The following MELTF variants were observed in gnomAD, a reference collection of about 807,000 sequenced individuals.
MELTF encodes antigen p97 (melanoma associated) identified by monoclonal antibodies 133.2 and 96.5.
MELTF carries 67 observed loss-of-function variants against 83.7 expected under a neutral mutation model. The observed-to-expected ratio is 0.80, with a 90% CI of 0.66 to 0.98. The LOEUF (loss-of-function observed/expected upper bound fraction) is 0.98, where lower values mean the gene tolerates loss of function less well. MELTF is among the 50% of genes least tolerant of loss of function. MELTF has a pLI of 0.00. For synonymous variants in MELTF, 462 were observed against 447.6 expected (o/e 1.03, Z -0.41); for missense variants, 1,002 against 1,035.6 (o/e 0.97, Z 0.44).
chr3:197,003,238 G>T lies in MELTF; in HGVS notation c.*134C>A. On this transcript the variant is annotated 3_prime_UTR_variant, in exon 16 of 16. Transcript: ENST00000296350. This position sits in a 1 kb window ranked among gnomAD's most constrained non-coding sequence, Gnocchi z 6.2. The stretch of plus-strand genomic sequence containing the variant: ...GCGCCAGGTGGCGCCCGTGGGCGGC[G>T]GGGCTCCCGGGGAGGCGCCTGCTCC... 1.0e-6 allele frequency: 1 copy of T among 969,138 alleles called. No individual in the cohort carries two copies. Among genetic ancestry groups the T allele is most frequent in the Non-Finnish European group, 1.2e-6 (1 of 808,088 alleles). 60.0% of individuals were successfully genotyped at this position (969,138 alleles called of 1,614,324 possible).
intron 6 of MELTF, among the ~76,000 whole-genome samples, 162 bp from the exon 7 acceptor site, chr3:197,017,452 T>G (rs927970146): frequency 2.6e-5 from 4 of 152,132 alleles, no homozygotes; most frequent in African/African-American, 9.7e-5. Flanking sequence ...CAACTCCAGG[T>G]ACCTACACAG....
At position 197,009,696 on chromosome 3, in the gene MELTF, G is replaced by C; in HGVS notation, c.1447C>G (p.Pro483Ala). ...KRSCHAGFGSPAGWDVPVGAL... is the reference protein window; with the variant it reads ...KRSCHAGFGSAAGWDVPVGAL... Reference sequence around the variant, plus strand: ...CCCACGGGGACATCCCAGCCTGCAGGGCTGCCGAAACCGGCGTGGCAGGAG... The same window carrying C: ...CCCACGGGGACATCCCAGCCTGCAGCGCTGCCGAAACCGGCGTGGCAGGAG... Residue 483 changes from proline to alanine, a missense_variant, in exon 11 of 16, where the codon CCT becomes GCT. Pro to Ala is a conservative substitution (Grantham distance 27). Transcript: ENST00000296350. 1 of 1,613,824 alleles carries C rather than the reference G, an allele frequency of 6.2e-7. No individual in the cohort carries two copies. Among genetic ancestry groups the C allele is most frequent in the Non-Finnish European group, 8.5e-7 (1 of 1,180,046 alleles).
Position 197,007,503 on chromosome 3 carries a change from C to T in MELTF, c.1751-767G>A, listed in dbSNP as rs145546594. The stretch of plus-strand genomic sequence containing the variant: ...GGCGGGTGACTCACTGCAAGTGAAC[C>T]TCCCAAGGCCTCTCCAGCACCTGCC... On this transcript the variant is annotated intron_variant, in intron 13 of 15. Coordinates refer to ENST00000296350, the MANE Select transcript of MELTF (RefSeq NM_005929.6). The surrounding 1 kb of genome is among the most constrained non-coding windows in gnomAD (Gnocchi z 4.3). Among the ~76,000 whole-genome samples the T allele has an allele frequency of 4.5e-4, 69 of 152,320 alleles. No individual in the cohort carries two copies. Among genetic ancestry groups the T allele is most frequent in the African/African-American group, 1.6e-3 (66 of 41,572 alleles).
chr3:197,022,982 A>G lies in MELTF; in HGVS notation c.619T>C (p.Tyr207His). 3.7e-6 allele frequency: 6 copies of G among 1,611,760 alleles called. No homozygotes were observed. Among genetic ancestry groups the G allele is most frequent in the Non-Finnish European group, 5.1e-6 (6 of 1,179,408 alleles). ...GVCDKSPLER[Y>H]YDYSGAFRCL... ...CGGAAGGCCCCGCTGTAGTCGTAGT[A>G]TCTCTCCAGGGGGCTCTTGTCACAC... is the stretch of plus-strand genomic sequence containing the variant. Residue 207 changes from tyrosine (Y) to histidine (H), a missense_variant, in exon 5 of 16, where the codon TAC (tyrosine) becomes CAC (histidine). Physicochemically the swap from Tyr to His is moderately conservative, Grantham distance 83 (BLOSUM62 2). Coordinates refer to ENST00000296350, the MANE Select transcript of MELTF (RefSeq NM_005929.6). The surrounding 1 kb of genome is among the most constrained non-coding windows in gnomAD (Gnocchi z 5.1).
intron 10 of MELTF, 44 bp from the exon 11 acceptor site, chr3:197,009,856 C>A (rs1187623322): frequency 6.4e-7 from 1 of 1,567,126 alleles, no homozygotes; most frequent in South Asian, 1.1e-5. Context: ...CATCTGAGAG[C>A]CCGGGCAAGT....
chr3:197,015,263 C>G, intron 9 of MELTF, 102 bp downstream of exon 9: 1 of 1,354,262 alleles, frequency 7.4e-7, no homozygotes, highest in Non-Finnish European at 1.0e-6. Flanking sequence ...GCAGTAGACA[C>G]TCTCCTCTTC....
In MELTF at chr3:197,003,615, A is replaced by G. The variant is rs955248049; in HGVS notation, c.2138-164T>C. The stretch of plus-strand genomic sequence containing the variant: ...CTGCCCTTCCAGATGCGCTCTTTCC[A>G]GAAAGGCAGCACACGCATGTCTCTG... On this transcript the variant is annotated intron_variant, in intron 15 of 15. Coordinates refer to ENST00000296350, the MANE Select transcript of MELTF (RefSeq NM_005929.6). This position sits in a 1 kb window ranked among gnomAD's most constrained non-coding sequence, Gnocchi z 6.2. 2 of 666,282 alleles carry G rather than the reference A, an allele frequency of 3.0e-6. No homozygotes were observed. The highest frequency in any genetic ancestry group is 1.8e-5 in the African/African-American group (1 of 54,726). 41.3% of individuals were successfully genotyped at this position (666,282 alleles called of 1,614,324 possible).
chr3:197,003,904 C>G lies in MELTF; in HGVS notation c.2134G>C (p.Ala712Pro), dbSNP rs1470221719. ...CGGCAGGGCGGGCCTGTCCTACCTG[C>G]GCCCGAGCACTGCTGAGACGACATC... The part of the protein sequence containing the change: ...EGMSSQQCSG[A>P]AAPAPGAPLL... Residue 712 changes from alanine to proline, a missense_variant, in exon 15 of 16, where the codon GCA becomes CCA. Transcript: ENST00000296350. This position sits in a 1 kb window ranked among gnomAD's most constrained non-coding sequence, Gnocchi z 6.2. The G allele has an allele frequency of 1.9e-6, 3 of 1,613,238 alleles. No homozygotes were observed. The highest frequency in any genetic ancestry group is 2.5e-6 in the Non-Finnish European group (3 of 1,179,856).
Position 197,002,070 on chromosome 3 carries a change from C to CGGTG in MELTF, c.*1298_*1301dup, listed in dbSNP as rs1232090284. On this transcript the variant is annotated 3_prime_UTR_variant, in exon 16 of 16. Coordinates refer to ENST00000296350, the MANE Select transcript of MELTF (RefSeq NM_005929.6). Reference sequence around the variant, plus strand: ...AGGCCCAGGTCCTTGTGGCCCCTCCCGGTGGGGTGAAGGTGCCCGGGACTC... The same window carrying CGGTG: ...AGGCCCAGGTCCTTGTGGCCCCTCCCGGTGGGTGGGGTGAAGGTGCCCGGGACTC... The CGGTG allele has an allele frequency of 6.6e-6, 1 of 152,298 alleles. No individual in the cohort carries two copies. Among genetic ancestry groups the CGGTG allele is most frequent in the African/African-American group, 2.4e-5 (1 of 41,470 alleles). The allele number at this position is 152,298 out of a possible 1,614,324, so 9.4% of individuals were successfully genotyped here.
intron 6 of MELTF, chr3:197,019,042 C>A: frequency 1.0e-6 from 1 of 985,444 alleles, no homozygotes; most frequent in Non-Finnish European, 1.2e-6. Flanking sequence ...TTTGTATGGT[C>A]ATGAAAGCTT....
At chr3:197,019,710 A>G (rs1261300943) in intron 6 of MELTF, 1 of 1,613,926 alleles carries the variant, frequency 6.2e-7, no homozygotes, top group Non-Finnish European at 8.5e-7. Context: ...GCCCAGCACT[A>G]GAGCGCATCG....
chr3:197,017,387 G>T, intron 6 of MELTF, 97 bp from the exon 7 acceptor site: 1 of 1,161,794 alleles, frequency 8.6e-7, no homozygotes, highest in Non-Finnish European at 1.2e-6. Context: ...GTGGCTGGGT[G>T]TCATGGACAT....
chr3:197,025,211 G>T (rs578243720), intron 3 of MELTF, among the ~76,000 whole-genome samples: 22 of 152,374 alleles, frequency 1.4e-4, no homozygotes, highest in African/African-American at 5.3e-4. Flanking sequence ...ACACACGCAG[G>T]CATGCACGCG....
In MELTF at chr3:197,008,810, T is replaced by C. The variant is rs201576545; in HGVS notation, c.1681A>G (p.Arg561Gly). Residue 561 changes from arginine (R) to glycine (G), a missense_variant and splice_region_variant, in exon 12 of 16, where the codon AGG (arginine) becomes GGG (glycine). Physicochemically the swap from Arg to Gly is moderately radical, Grantham distance 125 (BLOSUM62 -2). Transcript: ENST00000296350. The surrounding 1 kb of genome is among the most constrained non-coding windows in gnomAD (Gnocchi z 5.4). ...CAGACTGCCAGGCCACCCGGGTACC[T>C]GAAGGCGCCGCGGTAGCCGTAATAC... is the stretch of plus-strand genomic sequence containing the variant. ...ERYYGYRGAF[R>G]CLVENAGDVA... 13 of 1,613,938 alleles carry C rather than the reference T, an allele frequency of 8.1e-6. No individual in the cohort carries two copies. Among genetic ancestry groups the C allele is most frequent in the Admixed American group, 1.7e-5 (1 of 60,000 alleles).
At position 197,006,468 on chromosome 3, in the gene MELTF, T is replaced by A; in HGVS notation, c.1938+81A>T. ...TTCCTCAATTTCTCTAGAGGTCTGC[T>A]CCAGGTAGACTGAGGCCTCCCAGGG... On this transcript the variant is annotated intron_variant, in intron 14 of 15. Transcript: ENST00000296350. This position sits in a 1 kb window ranked among gnomAD's most constrained non-coding sequence, Gnocchi z 5.4. 1 of 1,314,132 alleles carries A rather than the reference T, an allele frequency of 7.6e-7. No individual in the cohort carries two copies. The highest frequency in any genetic ancestry group is 1.0e-6 in the Non-Finnish European group (1 of 963,026). 81.4% of individuals were successfully genotyped at this position (1,314,132 alleles called of 1,614,324 possible).
At chr3:197,017,056 G>T in intron 7 of MELTF, 47 bp downstream of exon 7, 1 of 1,583,680 alleles carries the variant, frequency 6.3e-7, no homozygotes, top group Non-Finnish European at 8.6e-7. Context: ...ACAAGGCCCG[G>T]CACCATCTAG....
In MELTF at chr3:197,009,819, A is replaced by G. The variant is rs1719123287; in HGVS notation, c.1331-7T>C. The G allele has an allele frequency of 5.0e-6, 8 of 1,604,502 alleles. No homozygotes were observed. The highest frequency in any genetic ancestry group is 2.2e-5 in the East Asian group (1 of 44,630). The stretch of plus-strand genomic sequence containing the variant: ...GAGTTGCTGCTGTCTTCCGCTGGGG[A>G]GAGAGGGACTCACGTGAGGGGCCCC... On this transcript the variant is annotated splice_region_variant and splice_polypyrimidine_tract_variant and intron_variant, in intron 10 of 15. Transcript: ENST00000296350.
chr3:197,026,739 G>A lies in MELTF; in HGVS notation c.225C>T (p.Ile75=), dbSNP rs761945667. The part of the protein sequence containing the change: ...QLIAAQEADA[I]TLDGGAIYEA... ...CATAGATGGCTCCTCCATCCAGAGT[G>A]ATGGCGTCAGCCTCCTGGGCCTGCA... is the stretch of plus-strand genomic sequence containing the variant. The change falls in exon 3 of 16, where the codon ATC becomes ATT. Residue 75 remains isoleucine, a synonymous_variant. Transcript: ENST00000296350. The A allele has an allele frequency of 6.8e-6, 11 of 1,612,718 alleles. No homozygotes were observed. The highest frequency in any genetic ancestry group is 9.3e-6 in the Non-Finnish European group (11 of 1,180,004).
Position 197,011,126 on chromosome 3 carries a change from GC to G in MELTF, c.1234-333del, listed in dbSNP as rs1337075605. On this transcript the variant is annotated intron_variant, in intron 9 of 15. Transcript: ENST00000296350. This position sits in a 1 kb window ranked among gnomAD's most constrained non-coding sequence, Gnocchi z 4.2. Reference sequence around the variant, plus strand: ...TCATGCTTGGCGTGGGCCTCCCTGTGCCCTGCCAGCCCCCAGACAGCCGGGC... The same window carrying G: ...TCATGCTTGGCGTGGGCCTCCCTGTGCCTGCCAGCCCCCAGACAGCCGGGC... 2.0e-5 allele frequency among the ~76,000 whole-genome samples: 3 copies of G among 152,218 alleles called. No homozygotes were observed. The highest frequency in any genetic ancestry group is 4.4e-5 in the Non-Finnish European group (3 of 68,022).
Sources: gnomAD v4.1 joint callset for allele counts (sites outside exome capture counted in the v4.1 genomes callset) on GRCh38, gnomAD v4.1.1 for gene constraint, Gnocchi (gnomAD v3.1) non-coding constraint, MANE v1.5 for transcripts, NCBI Gene and HGNC (gene_info 2026-07-23, HGNC 2026-07-21) for gene names.